COL13A1: variants seen among roughly 807,000 people sequenced by gnomAD.
The protein encoded by COL13A1 is collagen type XIII alpha 1 chain.
A neutral mutation model predicts 130.9 loss-of-function variants in COL13A1; 89 were observed. The ratio of observed to expected loss-of-function variants is 0.68; its 90% CI spans 0.57 to 0.81. The LOEUF is 0.81. Ranked by LOEUF, COL13A1 falls within the 30% of genes least tolerant of loss-of-function variation. The pLI is 0.00. For missense variants in COL13A1, 879 were observed against 934.6 expected, an observed-to-expected ratio of 0.94 and a Z score of 0.78; for synonymous variants, 402 against 341.6, an observed-to-expected ratio of 1.18 and a Z score of -1.95.
At chr10:69,914,104 G>A (rs886756202) in intron 17 of COL13A1, among the ~76,000 whole-genome samples, 8 of 152,124 alleles carry the variant, frequency 5.3e-5, no homozygotes, top group African/African-American at 1.7e-4. Context: ...CTCACGCTCC[G>A]GGGTTTTGCT....
intron 38 of COL13A1, 48 bp downstream of exon 38, chr10:69,947,390 G>A (rs368537734): frequency 1.2e-5 from 18 of 1,539,290 alleles, no homozygotes; most frequent in African/African-American, 4.1e-5. Flanking sequence ...ATGTCTTCAT[G>A]ATGGGGTGGA....
chr10:69,908,048 G>A (rs976193780), intron 17 of COL13A1, among the ~76,000 whole-genome samples: 2 of 152,166 alleles, frequency 1.3e-5, no homozygotes, highest in African/African-American at 4.8e-5. Context: ...TTCCAGGTCT[G>A]GGTCCTTCCC....
intron 1 of COL13A1, among the ~76,000 whole-genome samples, chr10:69,818,606 T>C (rs768336849): frequency 7.9e-5 from 12 of 152,212 alleles, no homozygotes; most frequent in Non-Finnish European, 1.8e-4. Context: ...GCCAGTGGTG[T>C]AGCTCCACTT....
intron 15 of COL13A1, among the ~76,000 whole-genome samples, 167 bp downstream of exon 15, chr10:69,903,022 C>T (rs979949770): frequency 2.0e-5 from 3 of 152,268 alleles, no homozygotes; most frequent in Non-Finnish European, 2.9e-5. Flanking sequence ...TCACACTCAC[C>T]ACCTGTTGCA....
intron 10 of COL13A1, among the ~76,000 whole-genome samples, chr10:69,891,628 C>A (rs2061180598): frequency 6.6e-6 from 1 of 152,172 alleles, no homozygotes; most frequent in Admixed American, 6.5e-5. Context: ...GAGACCGAGG[C>A]AGGAAGAAAC....
At chr10:69,876,354 C>T (rs539068381) in intron 5 of COL13A1, among the ~76,000 whole-genome samples, 1 of 152,198 alleles carries the variant, frequency 6.6e-6, no homozygotes, top group African/African-American at 2.4e-5. Context: ...CCACCCACCC[C>T]CACTGGCCTT....
At chr10:69,810,472 G>C (rs1475520030) in intron 1 of COL13A1, among the ~76,000 whole-genome samples, 1 of 152,140 alleles carries the variant, frequency 6.6e-6, no homozygotes, top group African/African-American at 2.4e-5. Flanking sequence ...TCAAGGGGCT[G>C]AGGGGCAGTG....
chr10:69,943,983 G>A (rs886513525), intron 35 of COL13A1, 142 bp from the exon 36 acceptor site: 61 of 655,712 alleles, frequency 9.3e-5, no homozygotes, highest in Non-Finnish European at 1.4e-4. Context: ...CGGCCCAGTC[G>A]AATGACTGCC....
chr10:69,846,776 AC>A (rs1395021868), intron 2 of COL13A1, among the ~76,000 whole-genome samples: 3 of 152,118 alleles, frequency 2.0e-5, no homozygotes, highest in Non-Finnish European at 4.4e-5. Flanking sequence ...CCAAATCCCC[AC>A]AGGGGCAGAG....
chr10:69,896,804 G>A (rs1352340202), intron 13 of COL13A1, among the ~76,000 whole-genome samples: 1 of 152,234 alleles, frequency 6.6e-6, no homozygotes, highest in Non-Finnish European at 1.5e-5. Context: ...CACAGTCAGA[G>A]CCACAGCCTG....
chr10:69,936,106 A>G (rs1200140072), intron 32 of COL13A1, among the ~76,000 whole-genome samples: 52 of 6,036 alleles, frequency 8.6e-3, no homozygotes, highest in East Asian at 0.073. Flanking sequence ...GGAAGGGAGG[A>G]AGGAAGGAAG....
At chr10:69,944,314 G>A in intron 36 of COL13A1, 136 bp downstream of exon 36, 2 of 765,746 alleles carry the variant, frequency 2.6e-6, no homozygotes, top group South Asian at 3.1e-5. Flanking sequence ...GCCTGGGACA[G>A]GGGGTGCTGG....
chr10:69,947,432 C>A, intron 38 of COL13A1, 90 bp downstream of exon 38: 1 of 1,272,282 alleles, frequency 7.9e-7, no homozygotes, highest in Non-Finnish European at 1.1e-6. Flanking sequence ...ACCAACATGG[C>A]GAACAGTTTT....
chr10:69,904,040 T>C (rs528167418), intron 15 of COL13A1, among the ~76,000 whole-genome samples: 1 of 152,212 alleles, frequency 6.6e-6, no homozygotes, highest in African/African-American at 2.4e-5. Context: ...AAATGAATTT[T>C]AAATTTTTCC....
chr10:69,921,888 A>C lies in COL13A1; in HGVS notation c.1096A>C (p.Lys366Gln). ...TGTCTGCATCTCCCTGCAGGGTGAG[A>C]AGGGGGCTGAAGGCTCCCCTGGGCT... The part of the protein sequence containing the change: ...LLGKRGQRGE[K>Q]GAEGSPGLPG... Residue 366 changes from lysine to glutamine, a missense_variant, in exon 22 of 41, where the codon AAG becomes CAG. Transcript: ENST00000645393. 1 of 1,606,332 alleles carries C rather than the reference A, an allele frequency of 6.2e-7. No individual in the cohort carries two copies. Among genetic ancestry groups the C allele is most frequent in the Non-Finnish European group, 8.5e-7 (1 of 1,176,738 alleles).
At chr10:69,885,980 C>T (rs1415752383) in intron 7 of COL13A1, among the ~76,000 whole-genome samples, 2 of 152,172 alleles carry the variant, frequency 1.3e-5, no homozygotes, top group Non-Finnish European at 2.9e-5. Context: ...CCATCCTACC[C>T]AGCTGACGTG....
chr10:69,865,981 T>C (rs1263243754), intron 2 of COL13A1, among the ~76,000 whole-genome samples: 1 of 152,232 alleles, frequency 6.6e-6, no homozygotes, highest in Non-Finnish European at 1.5e-5. Flanking sequence ...TGATAGAACC[T>C]ATTGCATAAT....
At chr10:69,824,086 A>G (rs1201328848) in intron 2 of COL13A1, 1 of 472,016 alleles carries the variant, frequency 2.1e-6, no homozygotes, top group Non-Finnish European at 4.4e-6. Flanking sequence ...CATCTCCAAC[A>G]TGGACCAGTC....
At chr10:69,916,724 G>A (rs565019484) in intron 17 of COL13A1, among the ~76,000 whole-genome samples, 2 of 152,322 alleles carry the variant, frequency 1.3e-5, no homozygotes, top group Non-Finnish European at 2.9e-5. Flanking sequence ...CAGAAATGGG[G>A]TGCAGATAAA....
Sources: allele counts gnomAD v4.1 joint callset (sites outside exome capture counted in the v4.1 genomes callset), GRCh38; gene constraint gnomAD v4.1.1; transcripts MANE v1.5; gene names NCBI Gene and HGNC (gene_info 2026-07-23, HGNC 2026-07-21).